KCNT2: variants seen among roughly 807,000 people sequenced by gnomAD.
KCNT2 encodes the protein potassium channel subfamily T member 2.
KCNT2 carries 67 observed loss-of-function variants against 153.8 expected under a neutral mutation model. That is an observed-to-expected ratio of 0.44 (90% CI 0.36 to 0.53). KCNT2 has a LOEUF of 0.53. KCNT2 is among the 20% of genes least tolerant of loss of function. The pLI, the probability that KCNT2 is intolerant of heterozygous loss-of-function variation, is 0.00. For missense variants in KCNT2, 975 were observed against 1,354.8 expected, an observed-to-expected ratio of 0.72 and a Z score of 4.40; for synonymous variants, 500 against 458.8, an observed-to-expected ratio of 1.09 and a Z score of -1.15.
intron 25 of KCNT2, among the ~76,000 whole-genome samples, chr1:196,268,722 C>G: frequency 6.6e-6 from 1 of 151,966 alleles, no homozygotes; most frequent in Admixed American, 6.6e-5. Context: ...AAACCTCACC[C>G]AAAACCCAGC....
At chr1:196,436,615 A>C (rs1674681700) in intron 8 of KCNT2, among the ~76,000 whole-genome samples, 2 of 151,378 alleles carry the variant, frequency 1.3e-5, no homozygotes, top group Admixed American at 1.3e-4. Flanking sequence ...TTTCATTCAC[A>C]CATGTCTTTG....
chr1:196,337,320 A>G (rs1295840712), intron 16 of KCNT2, among the ~76,000 whole-genome samples: 2 of 152,098 alleles, frequency 1.3e-5, no homozygotes, highest in Admixed American at 6.6e-5. Flanking sequence ...AAGTACATGC[A>G]GAATTTTCTC....
intron 26 of KCNT2, among the ~76,000 whole-genome samples, chr1:196,242,830 AAGTTACTGTAAACTTCCT>A (rs1655079417): frequency 6.6e-6 from 1 of 152,302 alleles, no homozygotes; most frequent in African/African-American, 2.4e-5. Context: ...GGTTTACTAT[AAGTTACTGTAAACTTCCT>A]ATATAACTTT....
intron 25 of KCNT2, among the ~76,000 whole-genome samples, chr1:196,277,854 AT>A (rs1196678514): frequency 1.3e-5 from 2 of 152,134 alleles, no homozygotes; most frequent in East Asian, 1.9e-4. Context: ...TCTTAAAAAA[AT>A]AATGTTTTAT....
At chr1:196,355,883 C>T (rs910750813) in intron 14 of KCNT2, among the ~76,000 whole-genome samples, 1 of 151,758 alleles carries the variant, frequency 6.6e-6, no homozygotes, top group Non-Finnish European at 1.5e-5. Context: ...ACTTTCCCCT[C>T]TCTCACACAG....
intron 1 of KCNT2, among the ~76,000 whole-genome samples, chr1:196,569,852 T>C (rs1201352073): frequency 1.3e-5 from 2 of 152,082 alleles, no homozygotes; most frequent in African/African-American, 4.8e-5. Context: ...TAAGATTACA[T>C]ATGCTGCTAG....
intron 8 of KCNT2, among the ~76,000 whole-genome samples, chr1:196,438,759 C>A (rs1674951518): frequency 6.6e-6 from 1 of 151,696 alleles, no homozygotes; most frequent in Admixed American, 6.6e-5. Context: ...ATATAAAAGA[C>A]AGTGTATCTG....
At chr1:196,263,448 G>C (rs1034557327) in intron 25 of KCNT2, among the ~76,000 whole-genome samples, 8 of 152,030 alleles carry the variant, frequency 5.3e-5, no homozygotes, top group Admixed American at 5.2e-4. Flanking sequence ...AGAACACATG[G>C]ACACAGGGAG....
intron 3 of KCNT2, among the ~76,000 whole-genome samples, chr1:196,487,091 T>C (rs1679481402): frequency 6.6e-6 from 1 of 151,932 alleles, no homozygotes; most frequent in African/African-American, 2.4e-5. Flanking sequence ...GTCACAGAGT[T>C]GGCTCTTTAA....
chr1:196,311,467 C>A (rs1662172381), intron 21 of KCNT2, among the ~76,000 whole-genome samples: 1 of 151,856 alleles, frequency 6.6e-6, no homozygotes, highest in African/African-American at 2.4e-5. Flanking sequence ...TCAATGTTTC[C>A]ATTGACATTG....
chr1:196,495,049 T>A (rs189024734), intron 1 of KCNT2, among the ~76,000 whole-genome samples: 1 of 152,008 alleles, frequency 6.6e-6, no homozygotes, highest in East Asian at 1.9e-4. Context: ...CTAATCCCAA[T>A]CTAATTATCA....
intron 1 of KCNT2, among the ~76,000 whole-genome samples, chr1:196,533,904 A>T (rs2148854952): frequency 6.6e-6 from 1 of 152,298 alleles, no homozygotes; most frequent in South Asian, 2.1e-4. Context: ...GTGATAGGTA[A>T]CTAGGGCCCC....
chr1:196,546,331 C>G (rs182895328), intron 1 of KCNT2, among the ~76,000 whole-genome samples: 81 of 152,140 alleles, frequency 5.3e-4, no homozygotes, highest in African/African-American at 1.9e-3. Context: ...TTTGGTGTTA[C>G]ATCATTTGTC....
At chr1:196,326,934 A>T (rs768012160) in intron 18 of KCNT2, 45 bp from the exon 19 acceptor site, 32 of 1,120,136 alleles carry the variant, frequency 2.9e-5, no homozygotes, top group Non-Finnish European at 3.9e-5. Flanking sequence ...TGGATACTTC[A>T]TTAAAATTTG....
intron 1 of KCNT2, among the ~76,000 whole-genome samples, chr1:196,494,059 A>G (rs2148739605): frequency 6.6e-6 from 1 of 152,296 alleles, no homozygotes; most frequent in Middle Eastern, 3.4e-3. Flanking sequence ...CACACCCTAC[A>G]CATCTACGTA....
In KCNT2 at chr1:196,604,011, C is replaced by A. The variant is rs573576085; in HGVS notation, c.95+4204G>T. 8.5e-5 allele frequency among the ~76,000 whole-genome samples: 13 copies of A among 152,294 alleles called. No individual in the cohort carries two copies. In the East Asian group the frequency reaches 1.9e-3, roughly 23 times the overall value. ...ATTAAAACAGAAAACAGGCTTGGAG[C>A]AGTGGCTCCCACCTATAATCCCAGC... On this transcript the variant is annotated intron_variant, in intron 1 of 27. Transcript: ENST00000294725.
At chr1:196,319,054 G>A (rs1663022429) in intron 20 of KCNT2, among the ~76,000 whole-genome samples, 1 of 151,684 alleles carries the variant, frequency 6.6e-6, no homozygotes, top group African/African-American at 2.4e-5. Flanking sequence ...TGTGACCAAA[G>A]TAAACTCTAA....
chr1:196,350,732 C>A (rs1329240684), intron 14 of KCNT2, among the ~76,000 whole-genome samples: 1 of 152,180 alleles, frequency 6.6e-6, no homozygotes, highest in East Asian at 1.9e-4. Flanking sequence ...TCAATTTTGA[C>A]TTTTGTTGCC....
chr1:196,550,133 G>T (rs1192998828), intron 1 of KCNT2, among the ~76,000 whole-genome samples: 1 of 151,814 alleles, frequency 6.6e-6, no homozygotes, highest in Non-Finnish European at 1.5e-5. Context: ...TTTTTTGAGT[G>T]TTCAATAGAA....
Sources: allele counts gnomAD v4.1 joint callset (sites outside exome capture counted in the v4.1 genomes callset), GRCh38; gene constraint gnomAD v4.1.1; transcripts MANE v1.5; gene names NCBI Gene and HGNC (gene_info 2026-07-23, HGNC 2026-07-21).